The following ZMYM2 variants were observed in gnomAD, a reference collection of about 807,000 sequenced individuals.
The protein encoded by ZMYM2 is zinc finger MYM-type protein 2.
ZMYM2 carries 56 observed loss-of-function variants against 162.8 expected under a neutral mutation model. That is an observed-to-expected ratio of 0.34 (90% confidence interval 0.28 to 0.43). The LOEUF is 0.43. Among genes scored for constraint, ZMYM2 ranks in the 20% least tolerant of loss-of-function variants. The pLI, the probability that ZMYM2 is intolerant of heterozygous loss-of-function variation, is 1.00. For synonymous variants in ZMYM2, 510 were observed against 541.6 expected, an observed-to-expected ratio of 0.94 and a Z score of 0.81; for missense variants, 1,275 against 1,621.8, an observed-to-expected ratio of 0.79 and a Z score of 3.67.
chr13:19,885,363 G>C, the ZMYM2 span, among the ~76,000 whole-genome samples: 1 of 152,184 alleles, frequency 6.6e-6, no homozygotes, highest in South Asian at 2.1e-4. Flanking sequence ...GCTAGGATAA[G>C]AGGATCCATG....
intron 12 of ZMYM2, among the ~76,000 whole-genome samples, chr13:20,046,585 G>A (rs34850973): frequency 0.14 from 4,923 of 35,454 alleles, 125 homozygotes; most frequent in Non-Finnish European, 0.2. Flanking sequence ...ATATATATGT[G>A]TGTGTGTGTG....
intron 12 of ZMYM2, among the ~76,000 whole-genome samples, chr13:20,049,578 A>G (rs1955126991): frequency 6.6e-6 from 1 of 152,020 alleles, no homozygotes; most frequent in South Asian, 2.1e-4. Flanking sequence ...CTGCTCATTT[A>G]TAGTAACTCA....
rs369364385 is a variant in ZMYM2 at position 20,051,253 on chromosome 13, G to GCATCTTTTTTTTTTTTTTTTTTTTTTTT, written c.2293-180_2293-179insCATCTTTTTTTTTTTTTTTTTTTTTTTT. On this transcript the variant is annotated intron_variant, in intron 12 of 24. Transcript: ENST00000610343. Reference sequence around the variant, plus strand: ...GATGGACTTTGTCAACTGTGAAATTGTATTTTTTTTTTTTTTTTTCATTTA... The same window carrying GCATCTTTTTTTTTTTTTTTTTTTTTTTT: ...GATGGACTTTGTCAACTGTGAAATTGCATCTTTTTTTTTTTTTTTTTTTTTTTTTATTTTTTTTTTTTTTTTTCATTTA... 8.1e-5 allele frequency among the ~76,000 whole-genome samples: 6 copies of GCATCTTTTTTTTTTTTTTTTTTTTTTTT among 74,208 alleles called. 3 individuals are homozygous for GCATCTTTTTTTTTTTTTTTTTTTTTTTT. The highest frequency in any genetic ancestry group is 1.7e-4 in the African/African-American group (4 of 23,212). The allele number at this position is 74,208 out of a possible 152,430, so 48.7% of individuals were successfully genotyped here.
chr13:20,025,266 G>C (rs1039113354), intron 7 of ZMYM2: 1 of 201,456 alleles, frequency 5.0e-6, no homozygotes, highest in Admixed American at 6.0e-5. Context: ...GCAACATGAG[G>C]TGGAAAATGG....
At chr13:19,871,831 AT>A in the ZMYM2 span, among the ~76,000 whole-genome samples, 3 of 152,222 alleles carry the variant, frequency 2.0e-5, no homozygotes, top group African/African-American at 7.2e-5. Flanking sequence ...TAAAGAATGG[AT>A]CATGTACACA....
intron 12 of ZMYM2, among the ~76,000 whole-genome samples, chr13:20,037,213 A>ATTTTTTTTTTTTTTTTT (rs754909177): frequency 2.2e-5 from 2 of 90,382 alleles, no homozygotes; most frequent in East Asian, 2.8e-4. Context: ...ACTAAGTAGA[A>ATTTTTTTTTTTTTTTTT]TTTTTTTTTT....
chr13:19,886,998 C>A, the ZMYM2 span, among the ~76,000 whole-genome samples: 1 of 151,660 alleles, frequency 6.6e-6, no homozygotes, highest in Non-Finnish European at 1.5e-5. Flanking sequence ...TGACTGCATT[C>A]CCCTGGTGTA....
At chr13:19,887,515 T>C in the ZMYM2 span, among the ~76,000 whole-genome samples, 1 of 147,494 alleles carries the variant, frequency 6.8e-6, no homozygotes, top group East Asian at 1.9e-4. Context: ...GGAGACAGAA[T>C]GAGACTTGGT....
chr13:20,001,848 C>T (rs1950415669), intron 3 of ZMYM2, among the ~76,000 whole-genome samples: 2 of 152,116 alleles, frequency 1.3e-5, no homozygotes, highest in South Asian at 4.1e-4. Flanking sequence ...TGTTTTTTAG[C>T]AATAAAGTAT....
upstream of ZMYM2, chr13:19,958,529 G>C (rs1352476306): frequency 1.3e-5 from 2 of 152,622 alleles, no homozygotes; most frequent in African/African-American, 2.4e-5. Flanking sequence ...GGCGGGAGTG[G>C]AACGGCAGGG....
chr13:19,966,014 G>C (rs1289377437), intron 2 of ZMYM2, among the ~76,000 whole-genome samples: 1 of 151,970 alleles, frequency 6.6e-6, no homozygotes, highest in Non-Finnish European at 1.5e-5. Context: ...CCTGAACTCA[G>C]GTGATCCACC....
chr13:19,967,090 A>G (rs560369691), intron 2 of ZMYM2, among the ~76,000 whole-genome samples: 1 of 151,182 alleles, frequency 6.6e-6, no homozygotes, highest in Admixed American at 6.6e-5. Flanking sequence ...CAAGGACCTT[A>G]CTCTTCTGTT....
chr13:19,965,108 C>G, intron 2 of ZMYM2: 1 of 421,000 alleles, frequency 2.4e-6, no homozygotes, highest in Non-Finnish European at 3.6e-6. Context: ...AAGAAAAATA[C>G]TTACATAGCT....
the ZMYM2 span, among the ~76,000 whole-genome samples, chr13:19,891,185 AC>A: frequency 6.6e-6 from 1 of 151,912 alleles, no homozygotes; most frequent in South Asian, 2.1e-4. Flanking sequence ...ATAGGACTAG[AC>A]TAGGACTGGT....
the ZMYM2 span, among the ~76,000 whole-genome samples, chr13:19,869,062 T>C: frequency 6.6e-5 from 10 of 152,236 alleles, no homozygotes; most frequent in Non-Finnish European, 1.3e-4. Context: ...ATAAATCTTA[T>C]TTGCTTTATC....
chr13:19,968,666 A>T (rs1956025806), intron 2 of ZMYM2, among the ~76,000 whole-genome samples: 1 of 152,162 alleles, frequency 6.6e-6, no homozygotes, highest in Non-Finnish European at 1.5e-5. Flanking sequence ...AAACGGAATT[A>T]TTTACAAGGC....
chr13:19,900,136 ACT>A, the ZMYM2 span, among the ~76,000 whole-genome samples: 3 of 152,040 alleles, frequency 2.0e-5, no homozygotes, highest in African/African-American at 7.2e-5. Context: ...CCCCATCTCT[ACT>A]AAAAATACAA....
At chr13:19,886,250 C>T in the ZMYM2 span, among the ~76,000 whole-genome samples, 6 of 148,002 alleles carry the variant, frequency 4.1e-5, no homozygotes, top group African/African-American at 1.0e-4. Flanking sequence ...TCGCAACTTC[C>T]GCCTCCTGGG....
At chr13:20,039,617 G>C (rs1954050992) in intron 12 of ZMYM2, among the ~76,000 whole-genome samples, 2 of 151,992 alleles carry the variant, frequency 1.3e-5, no homozygotes, top group South Asian at 4.1e-4. Context: ...GGGACTGCAG[G>C]CGCCCGCCAC....
Sources: allele counts gnomAD v4.1 joint callset (sites outside exome capture counted in the v4.1 genomes callset), GRCh38; gene constraint gnomAD v4.1.1; transcripts MANE v1.5; gene names NCBI Gene and HGNC (gene_info 2026-07-23, HGNC 2026-07-21).